The following EXOC4 variants were observed in gnomAD, a reference collection of about 807,000 sequenced individuals.
EXOC4 encodes exocyst complex component 4.
In EXOC4, 71 loss-of-function variants were observed where a neutral mutation model predicts 107.2. The ratio of observed to expected loss-of-function variants is 0.66; its 90% CI spans 0.55 to 0.81. EXOC4 has a LOEUF of 0.81. Ranked by LOEUF, EXOC4 falls within the 30% of genes least tolerant of loss-of-function variation. The probability of loss-of-function intolerance (pLI) is 0.00; values close to 1 mark genes in which losing one functional copy is unlikely to be tolerated. For missense variants in EXOC4, 1,108 were observed against 1,189.6 expected (o/e 0.93, Z 1.01); for synonymous variants, 456 against 441.2 (o/e 1.03, Z -0.42).
intron 7 of EXOC4, among the ~76,000 whole-genome samples, chr7:133,460,745 A>T (rs1798572578): frequency 6.6e-6 from 1 of 152,152 alleles, no homozygotes; most frequent in Admixed American, 6.6e-5. Flanking sequence ...TATTTCATAG[A>T]CAGAATCTTG....
At chr7:133,487,635 G>A (rs994648467) in intron 9 of EXOC4, among the ~76,000 whole-genome samples, 1 of 152,170 alleles carries the variant, frequency 6.6e-6, no homozygotes, top group Non-Finnish European at 1.5e-5. Flanking sequence ...CTTGAACCTA[G>A]GAGGTGGAGG....
At chr7:133,977,697 TTTTGTG>T (rs767697353) in intron 14 of EXOC4, among the ~76,000 whole-genome samples, 31 of 151,740 alleles carry the variant, frequency 2.0e-4, no homozygotes, top group Non-Finnish European at 2.5e-4. Context: ...ATTTGTTTGT[TTTTGTG>T]TGTGTGGTTT....
chr7:133,878,355 T>C (rs763106743), intron 11 of EXOC4, among the ~76,000 whole-genome samples: 24 of 152,248 alleles, frequency 1.6e-4, no homozygotes, highest in Non-Finnish European at 3.1e-4. Flanking sequence ...AGTGATACAG[T>C]GAACGGAACC....
chr7:133,505,738 A>G (rs1336252106), intron 9 of EXOC4, among the ~76,000 whole-genome samples: 2 of 152,162 alleles, frequency 1.3e-5, no homozygotes, highest in East Asian at 1.9e-4. Flanking sequence ...CACAAGCTTA[A>G]TAGTGTAATA....
intron 10 of EXOC4, among the ~76,000 whole-genome samples, chr7:133,654,745 G>A (rs922154384): frequency 2.6e-5 from 4 of 152,048 alleles, no homozygotes; most frequent in African/African-American, 9.7e-5. Flanking sequence ...GCGCCATTAG[G>A]TGATTTCATC....
intron 10 of EXOC4, among the ~76,000 whole-genome samples, chr7:133,776,145 T>C (rs996957963): frequency 6.6e-6 from 1 of 152,154 alleles, no homozygotes; most frequent in African/African-American, 2.4e-5. Flanking sequence ...AAAGAATAGG[T>C]TAGCAACTTA....
chr7:133,879,734 T>C (rs1798925601), intron 11 of EXOC4, among the ~76,000 whole-genome samples: 1 of 152,224 alleles, frequency 6.6e-6, no homozygotes, highest in African/African-American at 2.4e-5. Context: ...TCATAGACTA[T>C]CTATATATTT....
chr7:134,023,468 T>G (rs1180760708), intron 17 of EXOC4, among the ~76,000 whole-genome samples: 1 of 152,162 alleles, frequency 6.6e-6, no homozygotes, highest in Non-Finnish European at 1.5e-5. Context: ...ATAACTACTA[T>G]GAATTGAGTA....
In EXOC4 at chr7:133,895,741, G is replaced by A. The variant is rs1478041505; in HGVS notation, c.1871+6G>A. 3.1e-6 allele frequency: 5 copies of A among 1,613,116 alleles called. No individual in the cohort carries two copies. In the Admixed American group the frequency reaches 8.3e-5, roughly 27 times the overall value. ...ACCTGCACTGCAGCTTACAGGTAGAGCTTCTGTTAGGGGCTAAGCAAAGTA... is the reference window on the plus strand; with the variant it reads ...ACCTGCACTGCAGCTTACAGGTAGAACTTCTGTTAGGGGCTAAGCAAAGTA... On this transcript the variant is annotated splice_donor_region_variant and intron_variant, in intron 12 of 17. Transcript: ENST00000253861.
chr7:134,088,388 C>T, the EXOC4 span, among the ~76,000 whole-genome samples: 97 of 152,214 alleles, frequency 6.4e-4, no homozygotes, highest in Middle Eastern at 6.8e-3. Context: ...CAAATATGCT[C>T]CAAATTGTGT....
chr7:133,497,045 C>T (rs1799491691), intron 9 of EXOC4, among the ~76,000 whole-genome samples: 1 of 152,126 alleles, frequency 6.6e-6, no homozygotes, highest in African/African-American at 2.4e-5. Context: ...GACCTGGGGT[C>T]ATCTCTGTCT....
At chr7:133,395,669 G>A (rs1796955496) in intron 7 of EXOC4, among the ~76,000 whole-genome samples, 1 of 151,792 alleles carries the variant, frequency 6.6e-6, no homozygotes, top group Non-Finnish European at 1.5e-5. Context: ...TATATACACT[G>A]TATATATAAA....
rs1047614527 is a variant in EXOC4, at chr7:133,603,942, G to A, written c.1418-26103G>A. ...ACACAGCTTAAAACACAAACACAGT[G>A]TACAGCTGTACAAAAATATTTTCAT... is the stretch of plus-strand genomic sequence containing the variant. On this transcript the variant is annotated intron_variant, in intron 9 of 17. Transcript: ENST00000253861. Among the ~76,000 whole-genome samples, 5 of 151,644 alleles carry A rather than the reference G, an allele frequency of 3.3e-5. No homozygotes were observed. The South Asian group carries it at 8.3e-4, about 25-fold the overall frequency.
chr7:134,086,491 A>G, the EXOC4 span, among the ~76,000 whole-genome samples: 2 of 152,208 alleles, frequency 1.3e-5, no homozygotes, highest in East Asian at 3.9e-4. Flanking sequence ...CTTAATTGAG[A>G]CACCCTCCTG....
At chr7:133,434,677 T>A (rs1192109778) in intron 7 of EXOC4, among the ~76,000 whole-genome samples, 1 of 152,224 alleles carries the variant, frequency 6.6e-6, no homozygotes, top group Non-Finnish European at 1.5e-5. Flanking sequence ...ACACCATTGA[T>A]GTTGCTTCAA....
chr7:133,333,002 T>C (rs1462823856), intron 5 of EXOC4, among the ~76,000 whole-genome samples: 1 of 152,258 alleles, frequency 6.6e-6, no homozygotes, highest in African/African-American at 2.4e-5. Flanking sequence ...TTTTCTTTAA[T>C]ATTTCAAGTG....
At chr7:134,075,407 G>A in the EXOC4 span, among the ~76,000 whole-genome samples, 31,092 of 152,098 alleles carry the variant, frequency 0.2, 4,726 homozygotes, top group African/African-American at 0.43. Flanking sequence ...AAGGAAAAAG[G>A]GGTTTAATGG....
At chr7:133,671,448 T>A (rs977412424) in intron 10 of EXOC4, among the ~76,000 whole-genome samples, 3 of 152,092 alleles carry the variant, frequency 2.0e-5, no homozygotes, top group Non-Finnish European at 4.4e-5. Context: ...GTGCCTGTAA[T>A]CCCAGTTACT....
chr7:133,912,824 A>G (rs1264788707), intron 12 of EXOC4, among the ~76,000 whole-genome samples: 7 of 152,182 alleles, frequency 4.6e-5, no homozygotes, highest in Non-Finnish European at 1.0e-4. Context: ...TTGAGTGCAC[A>G]TTTAAATCAC....
Sources: gnomAD v4.1 joint callset for allele counts (sites outside exome capture counted in the v4.1 genomes callset) on GRCh38, gnomAD v4.1.1 for gene constraint, MANE v1.5 for transcripts, NCBI Gene and HGNC (gene_info 2026-07-23, HGNC 2026-07-21) for gene names.